Variants in CDR2 observed in about 807,000 individuals in gnomAD.
The protein encoded by CDR2 is cerebellar degeneration related protein 2, also known as cerebellar degeneration-related protein 2.
A neutral mutation model predicts 48.4 loss-of-function variants in CDR2; 34 were observed. The observed-to-expected ratio is 0.70, with a 90% CI of 0.53 to 0.94. The LOEUF (loss-of-function observed/expected upper bound fraction) is 0.94, where lower values mean the gene tolerates loss of function less well. Among genes scored for constraint, CDR2 ranks in the 40% least tolerant of loss-of-function variants. The pLI is 0.00. For synonymous variants in CDR2, 240 were observed against 219.7 expected (o/e 1.09, Z -0.82); for missense variants, 498 against 549.5 (o/e 0.91, Z 0.94).
chr16:22,348,461 G>T (rs936346948), intron 4 of CDR2, among the ~76,000 whole-genome samples: 19 of 152,116 alleles, frequency 1.2e-4, no homozygotes, highest in Admixed American at 1.1e-3. Flanking sequence ...AACCTAGTTG[G>T]TCTGCTACCT....
Position 22,347,796 on chromosome 16 carries a change from A to G in CDR2, c.534T>C (p.Ala178=), listed in dbSNP as rs776075174. ...RQHFVYDHVF[A]EKITSLQGQP... ...GACCTTGCAAGGAAGTGATCTTCTC[A>G]GCGAACACATGATCATACACGAAGT... The change falls in exon 5 of 5, where the codon GCT becomes GCC. Residue 178 remains alanine (A), a synonymous_variant. Coordinates refer to ENST00000268383, the MANE Select transcript of CDR2 (RefSeq NM_001802.2). 5.0e-6 allele frequency: 8 copies of G among 1,613,504 alleles called. No individual in the cohort carries two copies. In the East Asian group the frequency reaches 1.8e-4, roughly 36 times the overall value.
At chr16:22,364,039 G>A (rs915301699) in intron 2 of CDR2, among the ~76,000 whole-genome samples, 1 of 152,036 alleles carries the variant, frequency 6.6e-6, no homozygotes, top group Non-Finnish European at 1.5e-5. Context: ...CCCAGGTTCA[G>A]GTGATTCTTC....
At chr16:22,371,731 C>T (rs2049078024) in intron 1 of CDR2, among the ~76,000 whole-genome samples, 1 of 152,190 alleles carries the variant, frequency 6.6e-6, no homozygotes, top group Non-Finnish European at 1.5e-5. Flanking sequence ...TTCACATCTT[C>T]TACTCGTACT....
chr16:22,373,852 A>G (rs2049096280), intron 1 of CDR2, among the ~76,000 whole-genome samples: 2 of 152,256 alleles, frequency 1.3e-5, no homozygotes. Flanking sequence ...TGGGCTAGAC[A>G]GCCTGCGACG....
rs982749200 is a variant in CDR2, at chr16:22,357,239, G to A, written c.193-7390C>T. 2.0e-5 allele frequency among the ~76,000 whole-genome samples: 3 copies of A among 152,080 alleles called. No homozygotes were observed. In the South Asian group the frequency reaches 6.2e-4, roughly 31 times the overall value. On this transcript the variant is annotated intron_variant, in intron 2 of 4. Transcript: ENST00000268383. ...AATTTTTGTATTTTTATTAGAGACTGGGTTTCACCATGTTGGCCGGGCTGG... is the reference window on the plus strand; with the variant it reads ...AATTTTTGTATTTTTATTAGAGACTAGGTTTCACCATGTTGGCCGGGCTGG...
intron 2 of CDR2, among the ~76,000 whole-genome samples, chr16:22,351,307 A>AGTG (rs1367009362): frequency 6.6e-6 from 1 of 152,244 alleles, no homozygotes; most frequent in African/African-American, 2.4e-5. Flanking sequence ...TATTGTGAAT[A>AGTG]GTGCCGCAAT....
At chr16:22,356,940 CAAAAAAAAAA>C (rs1047380020) in intron 2 of CDR2, among the ~76,000 whole-genome samples, 1 of 28,878 alleles carries the variant, frequency 3.5e-5, no homozygotes, top group Non-Finnish European at 7.2e-5. Context: ...GACTCCATCT[CAAAAAAAAAA>C]AAGAAAAAAA....
At chr16:22,349,482 T>A in intron 3 of CDR2, 39 bp from the exon 4 acceptor site, 1 of 1,611,420 alleles carries the variant, frequency 6.2e-7, no homozygotes, top group Non-Finnish European at 8.5e-7. Context: ...GCTTGTCATA[T>A]TGAATCAAGG....
At chr16:22,365,401 T>G (rs553064384) in intron 1 of CDR2, among the ~76,000 whole-genome samples, 30 of 152,324 alleles carry the variant, frequency 2.0e-4, no homozygotes, top group African/African-American at 7.0e-4. Flanking sequence ...CAAAAATCTT[T>G]AAAGTTCCCA....
intron 1 of CDR2, among the ~76,000 whole-genome samples, chr16:22,372,165 C>A (rs1415123402): frequency 1.3e-5 from 2 of 151,830 alleles, no homozygotes; most frequent in African/African-American, 4.8e-5. Context: ...TCACTGCGCC[C>A]AGCCCAGACC....
rs1470167863 is a variant in CDR2, at chr16:22,374,362, G to T, written c.-53C>A. ...CCCCCGCCGCCGTCCCGCCTCAGCCGCTGCCCCGGGCTCTTCCCCGGCCCC... is the reference window on the plus strand; with the variant it reads ...CCCCCGCCGCCGTCCCGCCTCAGCCTCTGCCCCGGGCTCTTCCCCGGCCCC... On this transcript the variant is annotated 5_prime_UTR_variant, in exon 1 of 5. Transcript: ENST00000268383. The T allele has an allele frequency of 2.3e-6, 3 of 1,303,094 alleles. No individual in the cohort carries two copies. The highest frequency in any genetic ancestry group is 1.2e-5 in the South Asian group (1 of 81,144). The allele number at this position is 1,303,094 out of a possible 1,614,324, so 80.7% of individuals were successfully genotyped here. A position where few individuals can be genotyped will look rare whatever the true frequency, so the allele number is the denominator to read the frequency against.
At chr16:22,350,915 A>C (rs1344698261) in intron 2 of CDR2, among the ~76,000 whole-genome samples, 1 of 152,206 alleles carries the variant, frequency 6.6e-6, no homozygotes, top group Non-Finnish European at 1.5e-5. Flanking sequence ...TCTAGGGTAC[A>C]TGTGCACAAT....
intron 2 of CDR2, among the ~76,000 whole-genome samples, chr16:22,350,336 A>G (rs2048934378): frequency 6.6e-6 from 1 of 152,156 alleles, no homozygotes. Flanking sequence ...GCTCCTTTAG[A>G]CCCATTTCAG....
intron 4 of CDR2, among the ~76,000 whole-genome samples, chr16:22,348,339 TC>T (rs1352411570): frequency 2.0e-5 from 3 of 152,136 alleles, no homozygotes; most frequent in African/African-American, 7.2e-5. Context: ...TTGTGACAAA[TC>T]TTTTTTTAAT....
chr16:22,349,464 C>A, intron 3 of CDR2, 21 bp from the exon 4 acceptor site: 3 of 1,613,374 alleles, frequency 1.9e-6, no homozygotes, highest in Non-Finnish European at 2.5e-6. Context: ...CAGACAGAAG[C>A]CACTGCTGCT....
Position 22,374,370 on chromosome 16 carries a change from G to T in CDR2, c.-61C>A. The T allele has an allele frequency of 8.0e-7, 1 of 1,254,862 alleles. No individual in the cohort carries two copies. The highest frequency in any genetic ancestry group is 1.1e-6 in the Non-Finnish European group (1 of 884,914). The allele number at this position is 1,254,862 out of a possible 1,614,324, so 77.7% of individuals were successfully genotyped here. On this transcript the variant is annotated 5_prime_UTR_variant, in exon 1 of 5. Coordinates refer to ENST00000268383, the MANE Select transcript of CDR2 (RefSeq NM_001802.2). ...GCCGTCCCGCCTCAGCCGCTGCCCC[G>T]GGCTCTTCCCCGGCCCCTCCGCCCT...
chr16:22,368,886 C>A (rs2049059255), intron 1 of CDR2: 1 of 152,172 alleles, frequency 6.6e-6, no homozygotes, highest in South Asian at 2.1e-4. Context: ...GCACATACAA[C>A]CCCAGGCAAG....
rs542364686 is a variant in CDR2 at position 22,364,584 on chromosome 16, C to T, written c.192+318G>A. 7.9e-5 allele frequency among the ~76,000 whole-genome samples: 12 copies of T among 152,048 alleles called. No homozygotes were observed. The East Asian group carries it at 2.1e-3, about 27-fold the overall frequency. On this transcript the variant is annotated intron_variant, in intron 2 of 4. Transcript: ENST00000268383. The stretch of plus-strand genomic sequence containing the variant: ...ATCTTAAATATTGCATGTTTTAGGC[C>T]GGGTGTGGTGGCCCATGCCTGTAAT...
At chr16:22,354,322 C>A (rs1034813525) in intron 2 of CDR2, among the ~76,000 whole-genome samples, 1 of 152,172 alleles carries the variant, frequency 6.6e-6, no homozygotes, top group African/African-American at 2.4e-5. Flanking sequence ...TTCACTGGAT[C>A]AATGATGACT....
Sources: gnomAD v4.1 joint callset for allele counts (sites outside exome capture counted in the v4.1 genomes callset) on GRCh38, gnomAD v4.1.1 for gene constraint, MANE v1.5 for transcripts, NCBI Gene and HGNC (gene_info 2026-07-23, HGNC 2026-07-21) for gene names.